Variants in SUSD3 observed in about 807,000 individuals in gnomAD.
SUSD3 encodes the protein sushi domain-containing protein 3.
A neutral mutation model predicts 20.6 loss-of-function variants in SUSD3; 18 were observed. That is an observed-to-expected ratio of 0.87 (90% confidence interval 0.60 to 1.30). The LOEUF is 1.30. SUSD3 is among the 50% of genes most tolerant of loss of function. The pLI is 0.00. For synonymous variants in SUSD3, 137 were observed against 141.5 expected (o/e 0.97, Z 0.23); for missense variants, 306 against 346.9 (o/e 0.88, Z 0.94).
chr9:93,063,349 T>G (rs1254823596), intron 1 of SUSD3, among the ~76,000 whole-genome samples: 1 of 152,208 alleles, frequency 6.6e-6, no homozygotes, highest in Non-Finnish European at 1.5e-5. Flanking sequence ...AGGGCAGTCC[T>G]GCTCTTCCCA....
intron 1 of SUSD3, among the ~76,000 whole-genome samples, chr9:93,070,178 C>G (rs182406867): frequency 1.3e-5 from 2 of 152,140 alleles, no homozygotes; most frequent in Non-Finnish European, 2.9e-5. Context: ...AGATACAAAT[C>G]TCCTATTACA....
chr9:93,070,984 C>T (rs1022569150), intron 1 of SUSD3, among the ~76,000 whole-genome samples: 2 of 152,174 alleles, frequency 1.3e-5, no homozygotes, highest in African/African-American at 2.4e-5. Context: ...TGGGCTGAGA[C>T]GTGTTGCTGA....
chr9:93,064,326 G>C (rs547729134), intron 1 of SUSD3, among the ~76,000 whole-genome samples: 5 of 152,212 alleles, frequency 3.3e-5, no homozygotes, highest in Non-Finnish European at 7.3e-5. Context: ...GAGTACAGGC[G>C]TGAGCCACCG....
At chr9:93,077,450 TG>T (rs1299315107) in intron 2 of SUSD3, among the ~76,000 whole-genome samples, 3 of 152,034 alleles carry the variant, frequency 2.0e-5, no homozygotes, top group Admixed American at 2.0e-4. Context: ...CTTCTGTAAT[TG>T]ACCACTCTGC....
chr9:93,075,411 CTTTTTTTTTTT>C (rs58393196), intron 1 of SUSD3, among the ~76,000 whole-genome samples: 12 of 101,276 alleles, frequency 1.2e-4, no homozygotes, highest in East Asian at 3.1e-4. Flanking sequence ...CTCTGTCCCT[CTTTTTTTTTTT>C]TTTTTTTTTT....
intron 4 of SUSD3, among the ~76,000 whole-genome samples, chr9:93,083,649 G>A (rs1826517735): frequency 6.6e-6 from 1 of 152,254 alleles, no homozygotes. Flanking sequence ...CACACAACCA[G>A]TAAGTGAGGC....
chr9:93,075,780 C>T lies in SUSD3; in HGVS notation c.89-4C>T. 1 of 1,523,740 alleles carries T rather than the reference C, an allele frequency of 6.6e-7. No individual in the cohort carries two copies. The highest frequency in any genetic ancestry group is 8.9e-7 in the Non-Finnish European group (1 of 1,121,638). The allele number at this position is 1,523,740 out of a possible 1,614,324, so 94.4% of individuals were successfully genotyped here. On this transcript the variant is annotated splice_region_variant and splice_polypyrimidine_tract_variant and intron_variant, in intron 1 of 4. Transcript: ENST00000375472. ...CCATGCCTCATACCTGCCTGTCTCCCCAGGCACGTGCGCTAAGCTGCGGCT... is the reference window on the plus strand; with the variant it reads ...CCATGCCTCATACCTGCCTGTCTCCTCAGGCACGTGCGCTAAGCTGCGGCT...
chr9:93,078,726 GT>G (rs1453124861), intron 3 of SUSD3, among the ~76,000 whole-genome samples: 2 of 151,998 alleles, frequency 1.3e-5, no homozygotes, highest in Admixed American at 6.5e-5. Flanking sequence ...TGTCTGTCAG[GT>G]TTTTTCCCCA....
intron 1 of SUSD3, among the ~76,000 whole-genome samples, chr9:93,065,475 C>T (rs1052495841): frequency 9.2e-5 from 14 of 152,358 alleles, no homozygotes; most frequent in African/African-American, 3.4e-4. Flanking sequence ...TCCCAAACCT[C>T]TGGCTGGTGG....
chr9:93,082,907 G>C (rs995125424), intron 4 of SUSD3, among the ~76,000 whole-genome samples: 2 of 152,234 alleles, frequency 1.3e-5, no homozygotes, highest in Non-Finnish European at 2.9e-5. Flanking sequence ...ATGCCGAGGG[G>C]CTCCCAGGGG....
At chr9:93,072,914 G>A (rs557630454) in intron 1 of SUSD3, among the ~76,000 whole-genome samples, 5 of 152,142 alleles carry the variant, frequency 3.3e-5, no homozygotes, top group Non-Finnish European at 7.3e-5. Flanking sequence ...AGCAGGTTTG[G>A]GGAGCTCAGA....
intron 1 of SUSD3, among the ~76,000 whole-genome samples, chr9:93,064,326 G>A (rs547729134): frequency 1.7e-3 from 256 of 152,330 alleles, no homozygotes; most frequent in South Asian, 3.1e-3. Context: ...GAGTACAGGC[G>A]TGAGCCACCG....
In SUSD3 at chr9:93,075,846, G is replaced by A; in HGVS notation, c.151G>A (p.Ala51Thr). ...ATFQVLRGNG[A>T]SVGTVLMFRC... ...CTTCCAAGTCCTTCGTGGCAATGGT[G>A]CTTCCGTGGGGACCGTGCTCATGTT... The change falls in exon 2 of 5, where the codon GCT (alanine) becomes ACT (threonine). Residue 51 changes from alanine (A) to threonine (T), a missense_variant. Physicochemically the swap from Ala to Thr is moderately conservative, Grantham distance 58. Transcript: ENST00000375472. 1 of 1,613,452 alleles carries A rather than the reference G, an allele frequency of 6.2e-7. No individual in the cohort carries two copies. Among genetic ancestry groups the A allele is most frequent in the Middle Eastern group, 1.7e-4 (1 of 6,050 alleles).
chr9:93,073,227 G>A (rs1025065625), intron 1 of SUSD3, among the ~76,000 whole-genome samples: 18 of 151,466 alleles, frequency 1.2e-4, no homozygotes, highest in Non-Finnish European at 2.2e-4. Context: ...GCATCAGCAC[G>A]GCCTGCTGTC....
chr9:93,080,352 G>T (rs1826366364), intron 4 of SUSD3, among the ~76,000 whole-genome samples: 1 of 144,482 alleles, frequency 6.9e-6, no homozygotes, highest in African/African-American at 2.6e-5. Context: ...AAAACTAACA[G>T]AAATCTAATA....
At chr9:93,065,019 A>G (rs1825653656) in intron 1 of SUSD3, among the ~76,000 whole-genome samples, 1 of 152,230 alleles carries the variant, frequency 6.6e-6, no homozygotes. Flanking sequence ...GGATCAGCCC[A>G]GTGCCCAGAC....
At chr9:93,071,224 C>T (rs896095748) in intron 1 of SUSD3, among the ~76,000 whole-genome samples, 5 of 152,126 alleles carry the variant, frequency 3.3e-5, no homozygotes, top group African/African-American at 4.8e-5. Context: ...TTGACTCACA[C>T]GATAACAAGG....
In SUSD3 at chr9:93,064,592, G is replaced by A. The variant is rs181409773; in HGVS notation, c.88+5762G>A. Among the ~76,000 whole-genome samples, 209 of 152,306 alleles carry A rather than the reference G, an allele frequency of 1.4e-3. 1 individual carries two copies. Among genetic ancestry groups the A allele is most frequent in the Middle Eastern group, 3.4e-3 (1 of 294 alleles). On this transcript the variant is annotated intron_variant, in intron 1 of 4. Transcript: ENST00000375472. Reference sequence around the variant, plus strand: ...TGTGAACCAAGACAAGACCTTGGTCGACCTCAGACATAGCTAGGTGAGAGC... The same window carrying A: ...TGTGAACCAAGACAAGACCTTGGTCAACCTCAGACATAGCTAGGTGAGAGC...
chr9:93,073,749 C>T (rs1407348697), intron 1 of SUSD3, among the ~76,000 whole-genome samples: 1 of 152,194 alleles, frequency 6.6e-6, no homozygotes, highest in East Asian at 1.9e-4. Context: ...CACTGAGGCC[C>T]ATCTGCACAA....
Sources: allele counts gnomAD v4.1 joint callset (sites outside exome capture counted in the v4.1 genomes callset), GRCh38; gene constraint gnomAD v4.1.1; transcripts MANE v1.5; gene names NCBI Gene and HGNC (gene_info 2026-07-23, HGNC 2026-07-21).